ACBD4: variants seen among roughly 807,000 people sequenced by gnomAD.
The protein encoded by ACBD4 is acyl-CoA binding domain containing 4, also known as acyl-CoA-binding domain-containing protein 4.
Under a neutral mutation model 46.0 loss-of-function variants are expected in ACBD4, and 41 were observed. The ratio of observed to expected loss-of-function variants is 0.89; its 90% CI spans 0.69 to 1.16. The LOEUF (loss-of-function observed/expected upper bound fraction) is 1.16, where lower values mean the gene tolerates loss of function less well. Among genes scored for constraint, ACBD4 ranks in the 50% most tolerant of loss-of-function variants. The pLI is 0.00. For missense variants in ACBD4, 393 were observed against 399.5 expected (o/e 0.98, Z 0.14); for synonymous variants, 162 against 155.9 (o/e 1.04, Z -0.29).
At chr17:45,134,608 C>T (rs556215429), upstream of ACBD4, among the ~76,000 whole-genome samples, 98 of 152,132 alleles carry the variant, frequency 6.4e-4, no homozygotes, top group African/African-American at 2.2e-3. Context: ...AACCCCGTCT[C>T]TACTAAAAAA....
At chr17:45,140,874 G>A (rs1189150617) in intron 9 of ACBD4, among the ~76,000 whole-genome samples, 3 of 152,136 alleles carry the variant, frequency 2.0e-5, no homozygotes, top group Non-Finnish European at 4.4e-5. Flanking sequence ...TTAGCTGGGC[G>A]AGGTGGCAGG....
At chr17:45,139,782 G>C (rs1279609215) in intron 9 of ACBD4, among the ~76,000 whole-genome samples, 2 of 152,248 alleles carry the variant, frequency 1.3e-5, no homozygotes, top group African/African-American at 4.8e-5. Context: ...CAGCCTGGGA[G>C]AGCCTCTCTG....
chr17:45,132,375 C>T, upstream of ACBD4: 6 of 1,228,176 alleles, frequency 4.9e-6, no homozygotes, highest in Admixed American at 4.2e-5. This position sits in a 1 kb window ranked among gnomAD's most constrained non-coding sequence, Gnocchi z 4.6. Flanking sequence ...GCTCCTCGGG[C>T]GGGCGGCGGC....
upstream of ACBD4, among the ~76,000 whole-genome samples, chr17:45,134,621 C>CA (rs2054674441): frequency 6.6e-6 from 1 of 151,826 alleles, no homozygotes; most frequent in South Asian, 2.1e-4. Flanking sequence ...CTAAAAAATA[C>CA]AAAAAATTAG....
Position 45,137,970 on chromosome 17 carries a change from G to A in ACBD4, c.631G>A (p.Val211Met), listed in dbSNP as rs200905184. 65 of 1,612,940 alleles carry A rather than the reference G, an allele frequency of 4.0e-5. No individual in the cohort carries two copies. Among genetic ancestry groups the A allele is most frequent in the Non-Finnish European group, 5.2e-5 (61 of 1,179,688 alleles). ...AAAGCGTGATCCCAGGAACAGCCCC[G>A]TGCCCCCCACAAAGAAAGGTGAGCT... ...GGKRDPRNSP[V>M]PPTKKEGLRG... The change falls in exon 8 of 10, where the codon GTG becomes ATG. Residue 211 changes from valine to methionine, a missense_variant. Physicochemically the swap from Val to Met is conservative, Grantham distance 21. Coordinates refer to ENST00000321854, the MANE Select transcript of ACBD4 (RefSeq NM_001135705.3).
upstream of ACBD4, among the ~76,000 whole-genome samples, chr17:45,131,685 C>A (rs1235066060): frequency 6.6e-6 from 1 of 152,270 alleles, no homozygotes; most frequent in South Asian, 2.1e-4. Context: ...CAGTTACATT[C>A]CTTCTCCACG....
chr17:45,144,158 A>G lies in ACBD4; in HGVS notation c.*587A>G, dbSNP rs1305877748. 1 of 152,692 alleles carries G rather than the reference A, an allele frequency of 6.5e-6. No homozygotes were observed. Among genetic ancestry groups the G allele is most frequent in the Admixed American group, 6.5e-5 (1 of 15,322 alleles). 9.5% of individuals were successfully genotyped at this position (152,692 alleles called of 1,614,324 possible). A position where few individuals can be genotyped will look rare whatever the true frequency, so the allele number is the denominator to read the frequency against. On this transcript the variant is annotated 3_prime_UTR_variant, in exon 10 of 10. Transcript: ENST00000321854. ...TTCACTTACAAAGGAATGTTTCACTAAATAAAAGAAAACCAGAATCTTCTG... is the reference window on the plus strand; with the variant it reads ...TTCACTTACAAAGGAATGTTTCACTGAATAAAAGAAAACCAGAATCTTCTG...
In ACBD4 at chr17:45,136,162, A is replaced by C. The variant is rs377728794; in HGVS notation, c.18A>C (p.Glu6Asp). The C allele has an allele frequency of 7.4e-6, 12 of 1,613,506 alleles. No individual in the cohort carries two copies. The highest frequency in any genetic ancestry group is 1.1e-5 in the South Asian group (1 of 91,074). ...GCAGCAGCATGGGCACCGAGAAAGA[A>C]AGCCCAGAGCCCGACTGCCAGAAAC... Reference protein sequence around the residue: MGTEKESPEPDCQKQF... With the variant: MGTEKDSPEPDCQKQF... The change falls in exon 2 of 10, where the codon GAA (glutamate) becomes GAC (aspartate). Residue 6 changes from glutamate to aspartate, a missense_variant. Physicochemically the swap from Glu to Asp is conservative, Grantham distance 45. Transcript: ENST00000321854.
Position 45,137,928 on chromosome 17 carries a change from C to A in ACBD4, c.589C>A (p.Arg197=). ...LEPELVWTEQ[R]AASGGKRDPR... ...ATCTCAGCAGGTTTGGACAGAGCAG[C>A]GGGCAGCATCTGGAGGAAAGCGTGA... The change falls in exon 8 of 10, where the codon CGG becomes AGG. Residue 197 remains arginine (R), a synonymous_variant. Coordinates refer to ENST00000321854, the MANE Select transcript of ACBD4 (RefSeq NM_001135705.3). The A allele has an allele frequency of 6.2e-7, 1 of 1,613,916 alleles. No individual in the cohort carries two copies. The highest frequency in any genetic ancestry group is 8.5e-7 in the Non-Finnish European group (1 of 1,180,006).
intron 9 of ACBD4, 21 bp downstream of exon 9, chr17:45,139,181 G>A: frequency 6.2e-7 from 1 of 1,612,244 alleles, no homozygotes; most frequent in East Asian, 2.2e-5. Flanking sequence ...CCACCCCATA[G>A]GACAAGATGA....
rs1375569167 is a variant in ACBD4 at position 45,139,071 on chromosome 17, C to A, written c.700C>A (p.Leu234Met). 2 of 1,613,834 alleles carry A rather than the reference C, an allele frequency of 1.2e-6. No individual in the cohort carries two copies. Among genetic ancestry groups the A allele is most frequent in the East Asian group, 4.5e-5 (2 of 44,880 alleles). ...GCCCCAGGAGTTGGACGTGTGGCTG[C>A]TGGGGACAGTTCGAGCACTACAGGA... is the stretch of plus-strand genomic sequence containing the variant. ...PGPQELDVWL[L>M]GTVRALQESM... Residue 234 changes from leucine to methionine, a missense_variant, in exon 9 of 10, where the codon CTG becomes ATG. Physicochemically the swap from Leu to Met is conservative, Grantham distance 15. This residue lies in a region of ACBD4 where 308 missense variants were observed against 301.8 expected (regional missense o/e 1.02). Coordinates refer to ENST00000321854, the MANE Select transcript of ACBD4 (RefSeq NM_001135705.3).
At position 45,135,886 on chromosome 17, in the gene ACBD4, T is replaced by C. The variant is rs1272879842; in HGVS notation, c.-105T>C. 4 of 488,762 alleles carry C rather than the reference T, an allele frequency of 8.2e-6. No homozygotes were observed. Among genetic ancestry groups the C allele is most frequent in the Non-Finnish European group, 1.5e-5 (4 of 268,932 alleles). The allele number at this position is 488,762 out of a possible 1,614,324, so 30.3% of individuals were successfully genotyped here. A position where few individuals can be genotyped will look rare whatever the true frequency, so the allele number is the denominator to read the frequency against. ...GGAGGCGCATCTGGGGACGGACACA[T>C]CTGGCACTGAGGCCCTCGCCACCTG... On this transcript the variant is annotated 5_prime_UTR_variant, in exon 1 of 10. Coordinates refer to ENST00000321854, the MANE Select transcript of ACBD4 (RefSeq NM_001135705.3).
intron 7 of ACBD4, 23 bp downstream of exon 7, chr17:45,137,853 C>A (rs202115808): frequency 2.9e-5 from 47 of 1,612,908 alleles, no homozygotes; most frequent in South Asian, 5.5e-5. Flanking sequence ...CCCATTCCCC[C>A]CTTTTCCCAC....
rs375914906 is a variant in ACBD4 at position 45,136,527 on chromosome 17, T to C, written c.116T>C (p.Met39Thr). The C allele has an allele frequency of 5.6e-6, 9 of 1,613,706 alleles. No homozygotes were observed. Among genetic ancestry groups the C allele is most frequent in the Non-Finnish European group, 7.6e-6 (9 of 1,179,912 alleles). Reference protein sequence around the residue: ...NGSYRPSYEEMLRFYSYYKQA... With the variant: ...NGSYRPSYEETLRFYSYYKQA... ...TCTTACCGCCCCTCCTATGAAGAGA[T>C]GCTGCGATTCTACAGTTACTACAAG... Residue 39 changes from methionine to threonine, a missense_variant, in exon 3 of 10, where the codon ATG becomes ACG. Met to Thr is a moderately conservative substitution (Grantham distance 81). Coordinates refer to ENST00000321854, the MANE Select transcript of ACBD4 (RefSeq NM_001135705.3).
In ACBD4 at chr17:45,137,445, C is replaced by T; in HGVS notation, c.493C>T (p.Pro165Ser). Residue 165 changes from proline to serine, a missense_variant, in exon 6 of 10, where the codon CCA becomes TCA. Pro to Ser is a moderately conservative substitution (Grantham distance 74). This residue lies in a region of ACBD4 where 308 missense variants were observed against 301.8 expected (regional missense o/e 1.02). Coordinates refer to ENST00000321854, the MANE Select transcript of ACBD4 (RefSeq NM_001135705.3). Reference sequence around the variant, plus strand: ...CTGCCTCCCCAAGGAACCGGCACCCCCAAGCCCAGGTTAGTGCTTGAGCAG... The same window carrying T: ...CTGCCTCCCCAAGGAACCGGCACCCTCAAGCCCAGGTTAGTGCTTGAGCAG... ...PPCLPKEPAP[P>S]SPESHSPRDL... 1 of 1,614,074 alleles carries T rather than the reference C, an allele frequency of 6.2e-7. No homozygotes were observed. The highest frequency in any genetic ancestry group is 8.5e-7 in the Non-Finnish European group (1 of 1,179,994).
In ACBD4 at chr17:45,139,066, G is replaced by A; in HGVS notation, c.695G>A (p.Trp232Ter). The A allele has an allele frequency of 6.2e-7, 1 of 1,613,842 alleles. No individual in the cohort carries two copies. The highest frequency in any genetic ancestry group is 8.5e-7 in the Non-Finnish European group (1 of 1,180,038). The change falls in exon 9 of 10, where the codon TGG becomes TAG. Residue 232 changes from tryptophan (W) to a stop codon, truncating the protein, a stop_gained. Transcript: ENST00000321854. LOFTEE classifies it high-confidence loss of function. ...SPPGPQELDV[W>*]LLGTVRALQE... ...CCGGGGCCCCAGGAGTTGGACGTGT[G>A]GCTGCTGGGGACAGTTCGAGCACTA...
chr17:45,132,359 CCGGGG>C, upstream of ACBD4: 4 of 1,230,632 alleles, frequency 3.3e-6, no homozygotes, highest in Non-Finnish European at 4.1e-6. The surrounding 1 kb of genome is among the most constrained non-coding windows in gnomAD (Gnocchi z 4.6). Flanking sequence ...TGGGCGGCCA[CCGGGG>C]GCTCCTCGGG....
At chr17:45,137,586 C>T in intron 6 of ACBD4, 132 bp downstream of exon 6, 1 of 1,342,158 alleles carries the variant, frequency 7.5e-7, no homozygotes, top group Non-Finnish European at 1.1e-6. Flanking sequence ...GGACCGGGGT[C>T]TAGGATTCCT....
At chr17:45,132,861 C>G (rs569286303), upstream of ACBD4, among the ~76,000 whole-genome samples, 1 of 152,280 alleles carries the variant, frequency 6.6e-6, no homozygotes, top group East Asian at 1.9e-4. The surrounding 1 kb of genome is among the most constrained non-coding windows in gnomAD (Gnocchi z 4.6). Flanking sequence ...TCCGCGTCCC[C>G]GTCGCGCCGC....
Sources: gnomAD v4.1 joint callset for allele counts (sites outside exome capture counted in the v4.1 genomes callset) on GRCh38, gnomAD v4.1.1 for gene constraint, gnomAD v4.1.1 regional missense constraint, Gnocchi (gnomAD v3.1) non-coding constraint, MANE v1.5 for transcripts, NCBI Gene and HGNC (gene_info 2026-07-23, HGNC 2026-07-21) for gene names.